DIPK1A: variants seen among roughly 807,000 people sequenced by gnomAD.
DIPK1A encodes family with sequence similarity 69 member A.
A neutral mutation model predicts 40.8 loss-of-function variants in DIPK1A; 27 were observed. The observed-to-expected ratio is 0.66, with a 90% CI of 0.49 to 0.91. The LOEUF is 0.91. Ranked by LOEUF, DIPK1A falls within the 40% of genes least tolerant of loss-of-function variation. The pLI, the probability that DIPK1A is intolerant of heterozygous loss-of-function variation, is 0.00. For missense variants in DIPK1A, 412 were observed against 505.7 expected (o/e 0.81, Z 1.78); for synonymous variants, 166 against 171.3 (o/e 0.97, Z 0.24).
At chr1:92,925,729 T>C (rs4592265) in intron 1 of DIPK1A, among the ~76,000 whole-genome samples, 53,105 of 151,806 alleles carry the variant, frequency 0.35, 9,735 homozygotes, top group African/African-American at 0.38. Flanking sequence ...CTTCGGACCT[T>C]GTGATCCACC....
At chr1:92,882,639 T>G (rs931158737) in intron 1 of DIPK1A, among the ~76,000 whole-genome samples, 1 of 152,250 alleles carries the variant, frequency 6.6e-6, no homozygotes, top group African/African-American at 2.4e-5. Context: ...CTGATACATA[T>G]AGCCAGTTTG....
At chr1:92,955,560 T>C (rs778646200) in intron 1 of DIPK1A, among the ~76,000 whole-genome samples, 12 of 150,836 alleles carry the variant, frequency 8.0e-5, no homozygotes, top group Non-Finnish European at 1.5e-4. Context: ...TAGCCAGGAG[T>C]GGTGGCGGGC....
chr1:92,849,574 G>A (rs867158517), intron 3 of DIPK1A, among the ~76,000 whole-genome samples: 4 of 151,996 alleles, frequency 2.6e-5, no homozygotes, highest in Non-Finnish European at 5.9e-5. Context: ...GCAGTGATGT[G>A]AGATCTTGGC....
At chr1:92,839,912 C>T (rs982859979), downstream of DIPK1A, among the ~76,000 whole-genome samples, 2 of 151,498 alleles carry the variant, frequency 1.3e-5, no homozygotes, top group African/African-American at 4.9e-5. Context: ...ACAATTATAG[C>T]TCATTGCAAC....
intron 1 of DIPK1A, among the ~76,000 whole-genome samples, chr1:92,955,790 C>T (rs1027405232): frequency 7.9e-5 from 12 of 151,522 alleles, no homozygotes; most frequent in African/African-American, 2.9e-4. Context: ...CCTATAATTC[C>T]AGCACTTTGG....
intron 1 of DIPK1A, among the ~76,000 whole-genome samples, chr1:92,947,990 G>A (rs1186132472): frequency 6.6e-6 from 1 of 152,202 alleles, no homozygotes; most frequent in Non-Finnish European, 1.5e-5. Flanking sequence ...CTACAGCACT[G>A]TAGAGTGACT....
intron 1 of DIPK1A, among the ~76,000 whole-genome samples, chr1:92,922,904 T>C (rs1650325678): frequency 6.6e-6 from 1 of 151,530 alleles, no homozygotes; most frequent in South Asian, 2.1e-4. Context: ...ATAGCTACCA[T>C]CTCCCTCACA....
intron 1 of DIPK1A, among the ~76,000 whole-genome samples, chr1:92,915,385 A>T (rs1293001743): frequency 6.6e-6 from 1 of 152,218 alleles, no homozygotes; most frequent in Admixed American, 6.5e-5. Flanking sequence ...ATACACATAC[A>T]GTTACAGTCT....
intron 1 of DIPK1A, among the ~76,000 whole-genome samples, chr1:92,891,564 T>A (rs12736491): frequency 6.6e-6 from 1 of 152,188 alleles, no homozygotes; most frequent in Non-Finnish European, 1.5e-5. Context: ...AGCTCCAGTC[T>A]ACAGCTCCCA....
chr1:92,904,791 C>T (rs1380993380), intron 1 of DIPK1A, among the ~76,000 whole-genome samples: 4 of 151,954 alleles, frequency 2.6e-5, no homozygotes, highest in Non-Finnish European at 5.9e-5. Context: ...TTAACTATCC[C>T]CACTTCCCGT....
chr1:92,875,839 T>A (rs916454096), intron 2 of DIPK1A, among the ~76,000 whole-genome samples: 4 of 151,884 alleles, frequency 2.6e-5, no homozygotes, highest in African/African-American at 9.7e-5. Flanking sequence ...CTTAGACTGA[T>A]ACAGTCATTT....
chr1:92,941,528 G>A lies in DIPK1A; in HGVS notation c.54+19848C>T, dbSNP rs553995245. Among the ~76,000 whole-genome samples the A allele has an allele frequency of 5.9e-4, 90 of 152,212 alleles. 1 individual carries two copies. The South Asian group carries it at 0.018, about 31-fold the overall frequency. On this transcript the variant is annotated intron_variant, in intron 1 of 4. Coordinates refer to ENST00000370310, the MANE Select transcript of DIPK1A (RefSeq NM_001006605.5). ...GTCATTCCCTGAGACAGTATTTCTC[G>A]ACATTCACTATCTTAACACAGACAC... is the stretch of plus-strand genomic sequence containing the variant.
intron 1 of DIPK1A, among the ~76,000 whole-genome samples, chr1:92,885,124 A>C (rs945296328): frequency 1.3e-5 from 2 of 152,148 alleles, no homozygotes; most frequent in African/African-American, 4.8e-5. Context: ...CAAATACTGA[A>C]GAGACCAGGG....
intron 2 of DIPK1A, among the ~76,000 whole-genome samples, chr1:92,857,273 G>T (rs1382373019): frequency 3.3e-5 from 5 of 150,350 alleles, no homozygotes; most frequent in African/African-American, 4.9e-5. Flanking sequence ...ATGGCAAAAG[G>T]TTAAGATTTG....
chr1:92,853,806 G>A (rs1200587265), intron 2 of DIPK1A, among the ~76,000 whole-genome samples: 1 of 152,190 alleles, frequency 6.6e-6, no homozygotes, highest in African/African-American at 2.4e-5. Flanking sequence ...AGAGATGAAT[G>A]GAGAAATGGA....
intron 1 of DIPK1A, among the ~76,000 whole-genome samples, chr1:92,886,540 G>A (rs941726772): frequency 9.9e-5 from 15 of 151,786 alleles, no homozygotes; most frequent in Middle Eastern, 3.4e-3. Flanking sequence ...TATTTAAATG[G>A]ATGTATAACA....
chr1:92,838,164 A>G (rs1687199468), downstream of DIPK1A, among the ~76,000 whole-genome samples: 1 of 152,230 alleles, frequency 6.6e-6, no homozygotes, highest in Non-Finnish European at 1.5e-5. Context: ...CTATTTTGGC[A>G]TAGCTATTGG....
intron 1 of DIPK1A, among the ~76,000 whole-genome samples, chr1:92,894,139 T>C (rs1173007724): frequency 6.6e-6 from 1 of 152,168 alleles, no homozygotes; most frequent in Non-Finnish European, 1.5e-5. Flanking sequence ...AACTCAGCTC[T>C]GCACCAAGCG....
At chr1:92,840,397 G>T, downstream of DIPK1A, 1 of 652,852 alleles carries the variant, frequency 1.5e-6, no homozygotes, top group East Asian at 2.6e-5. Context: ...AGGAAAAGGT[G>T]AGTTACATTT....
Sources: allele counts gnomAD v4.1 joint callset (sites outside exome capture counted in the v4.1 genomes callset), GRCh38; gene constraint gnomAD v4.1.1; transcripts MANE v1.5; gene names NCBI Gene and HGNC (gene_info 2026-07-23, HGNC 2026-07-21).